The following SORBS3 variants were observed in gnomAD, a reference collection of about 807,000 sequenced individuals.
SORBS3 encodes the protein sorbin and SH3 domain containing 3.
SORBS3 carries 69 observed loss-of-function variants against 98.0 expected under a neutral mutation model. That is an observed-to-expected ratio of 0.70 (90% CI 0.58 to 0.86). The LOEUF is 0.86. Ranked by LOEUF, SORBS3 falls within the 40% of genes least tolerant of loss-of-function variation. The probability of loss-of-function intolerance (pLI) is 0.00; values close to 1 mark genes in which losing one functional copy is unlikely to be tolerated. For missense variants in SORBS3, 954 were observed against 908.5 expected, an observed-to-expected ratio of 1.05 and a Z score of -0.64; for synonymous variants, 394 against 355.4, an observed-to-expected ratio of 1.11 and a Z score of -1.22.
At chr8:22,571,579 T>G (rs183130337) in intron 18 of SORBS3, 139 bp from the exon 19 acceptor site, 76 of 666,552 alleles carry the variant, frequency 1.1e-4, no homozygotes, top group Non-Finnish European at 2.0e-4. Flanking sequence ...CCCTGGGGGT[T>G]TGGAGGCTAA....
upstream of SORBS3, among the ~76,000 whole-genome samples, chr8:22,548,984 G>T (rs1019507510): frequency 1.3e-5 from 2 of 152,248 alleles, no homozygotes; most frequent in African/African-American, 4.8e-5. Flanking sequence ...CTGCAGGGGG[G>T]TGGGGGTTGT....
intron 17 of SORBS3, among the ~76,000 whole-genome samples, chr8:22,570,162 G>A (rs1195852057): frequency 6.6e-6 from 1 of 152,324 alleles, no homozygotes; most frequent in East Asian, 1.9e-4. Context: ...CAAAATAAGC[G>A]AAAGACGGCC....
At chr8:22,553,808 C>A (rs1354235728) in intron 1 of SORBS3, among the ~76,000 whole-genome samples, 1 of 152,246 alleles carries the variant, frequency 6.6e-6, no homozygotes, top group South Asian at 2.1e-4. Context: ...TCCACCCACC[C>A]GGAGCCCTCT....
upstream of SORBS3, among the ~76,000 whole-genome samples, chr8:22,547,535 C>A (rs1219216095): frequency 2.0e-5 from 3 of 152,230 alleles, no homozygotes; most frequent in Non-Finnish European, 2.9e-5. Flanking sequence ...ACTGGGCCAA[C>A]AGATCAGCCC....
chr8:22,573,404 G>A (rs776720282), intron 20 of SORBS3: 26 of 456,150 alleles, frequency 5.7e-5, no homozygotes, highest in South Asian at 3.6e-4. Context: ...AGGAATGGGC[G>A]AGACCTGTGC....
Position 22,556,566 on chromosome 8 carries a change from C to T in SORBS3, c.221-149C>T, listed in dbSNP as rs1840185970. ...AAATTCACTTAAACAAACAGAGGCC[C>T]GTGGTGCTCTGAGTCATCCACTCAA... On this transcript the variant is annotated intron_variant, in intron 3 of 20. Transcript: ENST00000240123. The T allele has an allele frequency of 2.3e-5, 15 of 666,242 alleles. 1 individual carries two copies. The highest frequency in any genetic ancestry group is 1.1e-4 in the South Asian group (6 of 56,732). 41.3% of individuals were successfully genotyped at this position (666,242 alleles called of 1,614,324 possible). A position where few individuals can be genotyped will look rare whatever the true frequency, so the allele number is the denominator to read the frequency against.
rs372847327 is a variant in SORBS3 at position 22,564,389 on chromosome 8, C to T, written c.762+20C>T. The T allele has an allele frequency of 1.2e-4, 190 of 1,613,514 alleles. No individual in the cohort carries two copies. The highest frequency in any genetic ancestry group is 4.3e-4 in the Admixed American group (26 of 60,008). On this transcript the variant is annotated intron_variant, in intron 9 of 20. Coordinates refer to ENST00000240123, the MANE Select transcript of SORBS3 (RefSeq NM_005775.5). ...CAGAGGGTGAGTGCTGGCTGGCTCT[C>T]GGGGTGTGCACGCACCCTCAGCTGA...
chr8:22,559,655 A>C (rs1316502062), intron 5 of SORBS3, among the ~76,000 whole-genome samples: 1 of 151,380 alleles, frequency 6.6e-6, no homozygotes, highest in East Asian at 1.9e-4. Context: ...GTGAGCTGAG[A>C]CCATTCCACT....
rs776146032 is a variant in SORBS3, at chr8:22,566,296, T to TG, written c.951-45dup. The TG allele has an allele frequency of 5.7e-6, 9 of 1,590,346 alleles. No homozygotes were observed. The East Asian group carries it at 2.0e-4, about 36-fold the overall frequency. ...CAGAGCGGTCTAGGGGTGACCAGGG[T>TG]GGGGTGCGGAGCCCCAGGCTGGAGG... On this transcript the variant is annotated intron_variant, in intron 12 of 20. Transcript: ENST00000240123.
At chr8:22,564,634 C>G (rs1326925158) in intron 10 of SORBS3, 113 bp downstream of exon 10, 2 of 1,474,494 alleles carry the variant, frequency 1.4e-6, no homozygotes, top group Non-Finnish European at 1.9e-6. Context: ...TCTCTCCAGT[C>G]CCACATGGTT....
Position 22,554,347 on chromosome 8 carries a change from C to T in SORBS3, c.-55-105C>T. On this transcript the variant is annotated intron_variant, in intron 1 of 20. Coordinates refer to ENST00000240123, the MANE Select transcript of SORBS3 (RefSeq NM_005775.5). The surrounding 1 kb of genome is among the most constrained non-coding windows in gnomAD (Gnocchi z 6.5). Reference sequence around the variant, plus strand: ...TGAGCTAGTACCCAGCTGGTCCTGACCCCCTCCCACAGCCGGCCCCTCCTC... The same window carrying T: ...TGAGCTAGTACCCAGCTGGTCCTGATCCCCTCCCACAGCCGGCCCCTCCTC... 1 of 1,218,916 alleles carries T rather than the reference C, an allele frequency of 8.2e-7. No homozygotes were observed. 75.5% of individuals were successfully genotyped at this position (1,218,916 alleles called of 1,614,324 possible). A position where few individuals can be genotyped will look rare whatever the true frequency, so the allele number is the denominator to read the frequency against.
At chr8:22,565,734 C>T (rs1020152844) in intron 11 of SORBS3, 92 bp from the exon 12 acceptor site, 10 of 1,269,564 alleles carry the variant, frequency 7.9e-6, no homozygotes, top group Non-Finnish European at 3.0e-6. Context: ...CTCTCCTCCC[C>T]TCCCGAGCCG....
chr8:22,561,058 G>A (rs1840284723), intron 5 of SORBS3: 2 of 405,960 alleles, frequency 4.9e-6, no homozygotes, highest in Non-Finnish European at 8.8e-6. Flanking sequence ...AAGGTCAGGA[G>A]AGGGTGTGTG....
In SORBS3 at chr8:22,555,101, G is replaced by T. The variant is rs559558698; in HGVS notation, c.220+121G>T. Reference sequence around the variant, plus strand: ...ATGGGGTTCTCAAGGCCATGAGGAGGTTCCTCAGAGGCCTCTGGGCTCACT... The same window carrying T: ...ATGGGGTTCTCAAGGCCATGAGGAGTTTCCTCAGAGGCCTCTGGGCTCACT... On this transcript the variant is annotated intron_variant, in intron 3 of 20. Coordinates refer to ENST00000240123, the MANE Select transcript of SORBS3 (RefSeq NM_005775.5). The T allele has an allele frequency of 3.8e-5, 31 of 815,610 alleles. No individual in the cohort carries two copies. The African/African-American group carries it at 3.9e-4, about 10-fold the overall frequency. The allele number at this position is 815,610 out of a possible 1,614,324, so 50.5% of individuals were successfully genotyped here.
At chr8:22,566,169 C>T in intron 12 of SORBS3, 176 bp from the exon 13 acceptor site, 4 of 884,990 alleles carry the variant, frequency 4.5e-6, no homozygotes, top group African/African-American at 3.5e-5. Flanking sequence ...CGGGCCTCAC[C>T]CTTCCCCGCG....
upstream of SORBS3, among the ~76,000 whole-genome samples, chr8:22,549,451 A>G (rs895636496): frequency 6.6e-6 from 1 of 152,078 alleles, no homozygotes; most frequent in Non-Finnish European, 1.5e-5. Context: ...CAATCTCCAA[A>G]CCCTGCTACT....
intron 16 of SORBS3, among the ~76,000 whole-genome samples, chr8:22,567,594 T>G (rs1201891157): frequency 2.0e-5 from 3 of 152,230 alleles, no homozygotes; most frequent in Non-Finnish European, 2.9e-5. Context: ...GAGTGATAGA[T>G]TATCTCTGTT....
At chr8:22,568,749 T>A (rs1840489718) in intron 16 of SORBS3, among the ~76,000 whole-genome samples, 1 of 152,122 alleles carries the variant, frequency 6.6e-6, no homozygotes, top group African/African-American at 2.4e-5. Flanking sequence ...GGACACCCGG[T>A]TCTCAGCAGT....
In SORBS3 at chr8:22,571,159, C is replaced by A; in HGVS notation, c.1681C>A (p.Gln561Lys). 5 of 1,589,812 alleles carry A rather than the reference C, an allele frequency of 3.1e-6. No individual in the cohort carries two copies. The highest frequency in any genetic ancestry group is 4.3e-6 in the Non-Finnish European group (5 of 1,169,756). ...SPADPIDLGG[Q>K]TSPRRTGFSF... ...AGCTGACCCCATCGACTTGGGGGGA[C>A]AGACCTCCCCCCGTCGCACTGGCTT... The change falls in exon 18 of 21, where the codon CAG (glutamine) becomes AAG (lysine). Residue 561 changes from glutamine (Q) to lysine (K), a missense_variant. Physicochemically the swap from Gln to Lys is moderately conservative, Grantham distance 53. Coordinates refer to ENST00000240123, the MANE Select transcript of SORBS3 (RefSeq NM_005775.5).
Sources: gnomAD v4.1 joint callset for allele counts (sites outside exome capture counted in the v4.1 genomes callset) on GRCh38, gnomAD v4.1.1 for gene constraint, Gnocchi (gnomAD v3.1) non-coding constraint, MANE v1.5 for transcripts, NCBI Gene and HGNC (gene_info 2026-07-23, HGNC 2026-07-21) for gene names.